PCDHGA12: variants seen among roughly 807,000 people sequenced by gnomAD.
The protein encoded by PCDHGA12 is protocadherin gamma subfamily A, 12, also known as protocadherin gamma-A12.
Under a neutral mutation model 61.1 loss-of-function variants are expected in PCDHGA12, and 43 were observed. The ratio of observed to expected loss-of-function variants is 0.70; its 90% CI spans 0.55 to 0.91. The LOEUF is 0.91. PCDHGA12 is among the 40% of genes least tolerant of loss of function. The probability of loss-of-function intolerance (pLI) is 0.00; values close to 1 mark genes in which losing one functional copy is unlikely to be tolerated. For synonymous variants in PCDHGA12, 520 were observed against 542.9 expected, an observed-to-expected ratio of 0.96 and a Z score of 0.59; for missense variants, 1,236 against 1,227.7, an observed-to-expected ratio of 1.01 and a Z score of -0.10.
intron 2 of PCDHGA12, among the ~76,000 whole-genome samples, chr5:141,501,761 G>C (rs906778888): frequency 2.6e-5 from 4 of 152,090 alleles, no homozygotes; most frequent in African/African-American, 4.8e-5. Flanking sequence ...CTCAGTAAAT[G>C]GTTAAAAAAG....
At chr5:141,505,336 G>T in intron 2 of PCDHGA12, 57 bp from the exon 3 acceptor site, 2 of 1,611,372 alleles carry the variant, frequency 1.2e-6, no homozygotes, top group Non-Finnish European at 1.7e-6. Context: ...GAGGACAGGA[G>T]GGGCATGAGC....
chr5:141,479,813 T>G (rs543146395), intron 1 of PCDHGA12, among the ~76,000 whole-genome samples: 1 of 152,318 alleles, frequency 6.6e-6, no homozygotes, highest in South Asian at 2.1e-4. Flanking sequence ...TATGCAAGGA[T>G]ACTATCCAAG....
At chr5:141,473,131 A>G (rs1262205483) in intron 1 of PCDHGA12, among the ~76,000 whole-genome samples, 2 of 152,214 alleles carry the variant, frequency 1.3e-5, no homozygotes, top group Admixed American at 6.5e-5. Context: ...TTGGCAAACT[A>G]TATTATCTCT....
chr5:141,476,421 C>T lies in PCDHGA12; in HGVS notation c.2425-18386C>T, dbSNP rs765688262. On this transcript the variant is annotated intron_variant, in intron 1 of 3. Coordinates refer to ENST00000252085, the MANE Select transcript of PCDHGA12 (RefSeq NM_003735.3). The surrounding 1 kb of genome is among the most constrained non-coding windows in gnomAD (Gnocchi z 7.6). ...CGAGAGGAGCTGTGTGGGACACTGC[C>T]CTCTTGCACTGTAACTCTGGAGTTG... 1 of 1,614,026 alleles carries T rather than the reference C, an allele frequency of 6.2e-7. No homozygotes were observed. The highest frequency in any genetic ancestry group is 8.5e-7 in the Non-Finnish European group (1 of 1,179,994).
At chr5:141,510,402 G>A (rs2099880998) in intron 3 of PCDHGA12, among the ~76,000 whole-genome samples, 1 of 152,008 alleles carries the variant, frequency 6.6e-6, no homozygotes, top group African/African-American at 2.4e-5. Flanking sequence ...GCAAAGGCTA[G>A]GGGCATGTAA....
chr5:141,497,689 A>G (rs951295378), intron 2 of PCDHGA12, among the ~76,000 whole-genome samples: 1 of 151,958 alleles, frequency 6.6e-6, no homozygotes, highest in African/African-American at 2.4e-5. Flanking sequence ...GCAGGTGTGC[A>G]CCACCACACC....
rs375080564 is a variant in PCDHGA12 at position 141,486,676 on chromosome 5, T to C, written c.2425-8131T>C. On this transcript the variant is annotated intron_variant, in intron 1 of 3. Transcript: ENST00000252085. The surrounding 1 kb of genome is among the most constrained non-coding windows in gnomAD (Gnocchi z 5.0). ...CACTCCTGGAGCCCAGGAATCGAGA[T>C]GTATCAGCTTCCTCTTTCATCTCTC... The C allele has an allele frequency of 6.2e-7, 1 of 1,614,120 alleles. No homozygotes were observed. The highest frequency in any genetic ancestry group is 1.7e-5 in the Admixed American group (1 of 60,032).
Position 141,490,192 on chromosome 5 carries a change from A to C in PCDHGA12, c.2425-4615A>C. 1 of 1,614,182 alleles carries C rather than the reference A, an allele frequency of 6.2e-7. No homozygotes were observed. Among genetic ancestry groups the C allele is most frequent in the South Asian group, 1.1e-5 (1 of 91,082 alleles). On this transcript the variant is annotated intron_variant, in intron 1 of 3. Coordinates refer to ENST00000252085, the MANE Select transcript of PCDHGA12 (RefSeq NM_003735.3). The surrounding 1 kb of genome is among the most constrained non-coding windows in gnomAD (Gnocchi z 5.4). Reference sequence around the variant, plus strand: ...CTTTGAGGAGTCACGTTTCTATGAAATTCATGCAAGAGCCCGTGACCAGGG... The same window carrying C: ...CTTTGAGGAGTCACGTTTCTATGAACTTCATGCAAGAGCCCGTGACCAGGG...
intron 1 of PCDHGA12, among the ~76,000 whole-genome samples, chr5:141,481,782 T>C (rs1348977678): frequency 6.6e-6 from 1 of 152,008 alleles, no homozygotes; most frequent in African/African-American, 2.4e-5. Context: ...TGAAACCCCG[T>C]CTCTACTAAA....
intron 3 of PCDHGA12, among the ~76,000 whole-genome samples, chr5:141,506,904 C>T (rs55892286): frequency 0.2 from 30,589 of 152,050 alleles, 3,131 homozygotes; most frequent in Middle Eastern, 0.24. Flanking sequence ...ACTGTCATCA[C>T]ACCTGGGCAC....
At chr5:141,473,343 T>G (rs1309426537) in intron 1 of PCDHGA12, among the ~76,000 whole-genome samples, 1 of 152,218 alleles carries the variant, frequency 6.6e-6, no homozygotes, top group African/African-American at 2.4e-5. Context: ...TGCTAGACAG[T>G]GAGGATGCAA....
chr5:141,459,613 C>A (rs1040874685), intron 1 of PCDHGA12, among the ~76,000 whole-genome samples: 1 of 152,188 alleles, frequency 6.6e-6, no homozygotes, highest in African/African-American at 2.4e-5. Context: ...ATATGCTTAA[C>A]TTTATAAGAA....
At chr5:141,456,615 A>G (rs561978043) in intron 1 of PCDHGA12, among the ~76,000 whole-genome samples, 3 of 152,318 alleles carry the variant, frequency 2.0e-5, no homozygotes, top group East Asian at 3.9e-4. Flanking sequence ...AAGTCCCTGT[A>G]GATTTGCCTC....
At position 141,434,489 on chromosome 5, in the gene PCDHGA12, C is replaced by G. The variant is rs921000136; in HGVS notation, c.2424+1306C>G. On this transcript the variant is annotated intron_variant, in intron 1 of 3. Coordinates refer to ENST00000252085, the MANE Select transcript of PCDHGA12 (RefSeq NM_003735.3). ...GAATGAGGGCAAGGAACACCTGGCC[C>G]GCCCAGGGCAGAAAACTGCTTAAAG... Among the ~76,000 whole-genome samples, 8 of 152,158 alleles carry G rather than the reference C, an allele frequency of 5.3e-5. 1 individual carries two copies. The highest frequency in any genetic ancestry group is 2.6e-4 in the Admixed American group (4 of 15,284).
intron 1 of PCDHGA12, among the ~76,000 whole-genome samples, chr5:141,472,611 G>T (rs1055885253): frequency 1.3e-5 from 2 of 151,938 alleles, no homozygotes; most frequent in South Asian, 4.1e-4. Context: ...ATAAAACAAA[G>T]AAGAAAAAAG....
chr5:141,503,671 A>G (rs1028896082), intron 2 of PCDHGA12, among the ~76,000 whole-genome samples: 2 of 151,950 alleles, frequency 1.3e-5, no homozygotes, highest in Non-Finnish European at 2.9e-5. Flanking sequence ...AACTCTTCCC[A>G]CTTTTGGGAA....
At chr5:141,479,366 T>A (rs2099494042) in intron 1 of PCDHGA12, 1 of 152,302 alleles carries the variant, frequency 6.6e-6, no homozygotes, top group Non-Finnish European at 1.5e-5. Flanking sequence ...GTGCCTGAGG[T>A]GGGAGGATTG....
At chr5:141,469,721 A>G (rs1238006043) in intron 1 of PCDHGA12, among the ~76,000 whole-genome samples, 5 of 152,270 alleles carry the variant, frequency 3.3e-5, no homozygotes, top group African/African-American at 1.2e-4. Context: ...TTAGGAATTT[A>G]TCATAAATAC....
chr5:141,450,207 A>AAGG (rs1164364390), intron 1 of PCDHGA12, among the ~76,000 whole-genome samples: 13 of 151,832 alleles, frequency 8.6e-5, no homozygotes, highest in Non-Finnish European at 1.8e-4. Flanking sequence ...TAGTAGAGAC[A>AAGG]AGGTTTCACT....
Sources: gnomAD v4.1 joint callset for allele counts (sites outside exome capture counted in the v4.1 genomes callset) on GRCh38, gnomAD v4.1.1 for gene constraint, Gnocchi (gnomAD v3.1) non-coding constraint, MANE v1.5 for transcripts, NCBI Gene and HGNC (gene_info 2026-07-23, HGNC 2026-07-21) for gene names.